Variants in RALGAPB observed in about 807,000 individuals in gnomAD.
RALGAPB encodes ral GTPase-activating protein subunit beta.
In RALGAPB, 25 loss-of-function variants were observed where a neutral mutation model predicts 161.1. The observed-to-expected ratio is 0.16, with a 90% CI of 0.11 to 0.22. The LOEUF (loss-of-function observed/expected upper bound fraction) is 0.22. Ranked by LOEUF, RALGAPB falls within the 10% of genes least tolerant of loss-of-function variation. The pLI is 1.00. For missense variants in RALGAPB, 1,391 were observed against 1,815.2 expected, an observed-to-expected ratio of 0.77 and a Z score of 4.25; for synonymous variants, 629 against 626.1, an observed-to-expected ratio of 1.00 and a Z score of -0.07.
At chr20:38,531,105 G>A in intron 13 of RALGAPB, 62 bp from the exon 14 acceptor site, 14 of 1,352,496 alleles carry the variant, frequency 1.0e-5, no homozygotes, top group East Asian at 2.3e-5. Flanking sequence ...CATATAAAAT[G>A]TCTTACGCAT....
At chr20:38,563,064 C>G (rs2087845313) in intron 24 of RALGAPB, among the ~76,000 whole-genome samples, 1 of 152,098 alleles carries the variant, frequency 6.6e-6, no homozygotes, top group South Asian at 2.1e-4. Context: ...CTCCCTGTCT[C>G]TAAAAACTAA....
At chr20:38,518,079 A>G in intron 9 of RALGAPB, 79 bp downstream of exon 9, 1 of 1,311,502 alleles carries the variant, frequency 7.6e-7, no homozygotes, top group Non-Finnish European at 1.1e-6. Flanking sequence ...CCTACCTGCA[A>G]GATTAATATG....
At chr20:38,544,014 C>T (rs533807462) in intron 18 of RALGAPB, among the ~76,000 whole-genome samples, 12 of 152,226 alleles carry the variant, frequency 7.9e-5, no homozygotes, top group African/African-American at 2.9e-4. Flanking sequence ...TGCAGATTAG[C>T]TGGTTAGGTT....
At chr20:38,567,316 CAG>C in intron 26 of RALGAPB, 84 bp downstream of exon 26, 4 of 1,522,688 alleles carry the variant, frequency 2.6e-6, no homozygotes, top group Non-Finnish European at 3.5e-6. Context: ...GCTTTTAACC[CAG>C]AGAGTATTTA....
At chr20:38,554,650 A>G (rs1005639819) in intron 22 of RALGAPB, among the ~76,000 whole-genome samples, 1 of 152,228 alleles carries the variant, frequency 6.6e-6, no homozygotes, top group African/African-American at 2.4e-5. Context: ...TGAGGATGAT[A>G]AAAGTATCCA....
intron 10 of RALGAPB, among the ~76,000 whole-genome samples, chr20:38,524,325 T>C (rs1227493318): frequency 6.6e-6 from 1 of 152,212 alleles, no homozygotes; most frequent in East Asian, 1.9e-4. Flanking sequence ...TAGGAATTAC[T>C]AAATGTTGCA....
Position 38,532,925 on chromosome 20 carries a change from CAA to C in RALGAPB, c.2245+70_2245+71del, listed in dbSNP as rs1015555756. ...GACTTTAATGCTTACATTTATAAAA[CAA>C]AAACATTAAAAATGTTAATGTTCAT... is the stretch of plus-strand genomic sequence containing the variant. On this transcript the variant is annotated intron_variant, in intron 15 of 29. Transcript: ENST00000262879. The C allele has an allele frequency of 1.7e-5, 25 of 1,485,374 alleles. No homozygotes were observed. The African/African-American group carries it at 3.3e-4, about 19-fold the overall frequency. The allele number at this position is 1,485,374 out of a possible 1,614,324, so 92.0% of individuals were successfully genotyped here. A position where few individuals can be genotyped will look rare whatever the true frequency, so the allele number is the denominator to read the frequency against.
At chr20:38,553,387 T>G (rs944088344) in intron 21 of RALGAPB, among the ~76,000 whole-genome samples, 14 of 152,240 alleles carry the variant, frequency 9.2e-5, no homozygotes, top group African/African-American at 2.4e-4. Context: ...AGATGGACAG[T>G]GATCTGCAAG....
At chr20:38,517,755 A>G (rs1341482942) in intron 8 of RALGAPB, 29 bp from the exon 9 acceptor site, 3 of 1,605,368 alleles carry the variant, frequency 1.9e-6, no homozygotes, top group East Asian at 2.2e-5. Context: ...TTTCATTGGT[A>G]TGGGTGTATT....
intron 18 of RALGAPB, among the ~76,000 whole-genome samples, chr20:38,542,811 G>A (rs185870136): frequency 8.8e-4 from 133 of 150,692 alleles, no homozygotes; most frequent in African/African-American, 3.0e-3. Context: ...GGACACGGAG[G>A]TTGCAGTGAG....
At chr20:38,512,707 G>C (rs1050635613) in intron 6 of RALGAPB, among the ~76,000 whole-genome samples, 1 of 152,158 alleles carries the variant, frequency 6.6e-6, no homozygotes, top group Admixed American at 6.5e-5. Context: ...GTTGATATTA[G>C]ATGTTCTTTT....
Position 38,562,571 on chromosome 20 carries a change from C to T in RALGAPB, c.3571C>T (p.His1191Tyr), listed in dbSNP as rs76591855. The change falls in exon 24 of 30, where the codon CAT becomes TAT. Residue 1191 changes from histidine (H) to tyrosine (Y), a missense_variant. By Grantham distance (83) the His-to-Tyr change is moderately conservative. Around this residue, in one of 3 missense-constraint regions of RALGAPB, gnomAD observed 436 missense variants for 527.0 expected, o/e 0.83. Coordinates refer to ENST00000262879, the MANE Select transcript of RALGAPB (RefSeq NM_020336.4). ...GGAGTCTTCCAGAACTGTTCAGCCA[C>T]ATTTCCTAGAATTTTTGCTTTCCCT... ...NVESSRTVQPHFLEFLLSLGW... is the reference protein window; with the variant it reads ...NVESSRTVQPYFLEFLLSLGW... 1.1e-3 allele frequency: 1,771 copies of T among 1,613,380 alleles called. 16 individuals carry two copies. The African/African-American group carries it at 0.021, about 19-fold the overall frequency.
chr20:38,478,694 G>A (rs934035381), intron 1 of RALGAPB, among the ~76,000 whole-genome samples: 7 of 152,026 alleles, frequency 4.6e-5, no homozygotes, highest in Non-Finnish European at 7.4e-5. Flanking sequence ...TCGGCTCACC[G>A]CAGCCTCCAC....
chr20:38,524,726 A>G, intron 10 of RALGAPB, 52 bp from the exon 11 acceptor site: 1 of 1,387,382 alleles, frequency 7.2e-7, no homozygotes, highest in Middle Eastern at 1.8e-4. Context: ...AATAATAATT[A>G]TGAAAACTTT....
chr20:38,530,884 C>T (rs899682944), intron 13 of RALGAPB, among the ~76,000 whole-genome samples: 1 of 126,382 alleles, frequency 7.9e-6, no homozygotes, highest in Non-Finnish European at 1.7e-5. Flanking sequence ...AACCACTGTG[C>T]CTGGCCATTT....
chr20:38,510,726 C>T (rs1380895041), intron 6 of RALGAPB, among the ~76,000 whole-genome samples: 5 of 123,384 alleles, frequency 4.1e-5, no homozygotes, highest in Non-Finnish European at 6.1e-5. Flanking sequence ...CCGGCTAAAA[C>T]GGTGAAACCC....
chr20:38,558,968 T>C (rs1302894154), intron 23 of RALGAPB, among the ~76,000 whole-genome samples: 2 of 152,246 alleles, frequency 1.3e-5, no homozygotes, highest in Non-Finnish European at 2.9e-5. Flanking sequence ...TTACATGGTA[T>C]GCACTTGTCT....
intron 19 of RALGAPB, chr20:38,546,873 A>G (rs8117073): frequency 0.039 from 6,129 of 158,544 alleles, 190 homozygotes; most frequent in African/African-American, 0.093. Flanking sequence ...TTAGTTTCTA[A>G]GTTTCCATCT....
chr20:38,475,184 A>C (rs750997720), intron 1 of RALGAPB, among the ~76,000 whole-genome samples: 1 of 152,220 alleles, frequency 6.6e-6, no homozygotes, highest in African/African-American at 2.4e-5. Flanking sequence ...TCATTGTCCA[A>C]AAAAGTGTTT....
Sources: allele counts gnomAD v4.1 joint callset (sites outside exome capture counted in the v4.1 genomes callset), GRCh38; gene constraint gnomAD v4.1.1; regional missense constraint gnomAD v4.1.1; transcripts MANE v1.5; gene names NCBI Gene and HGNC (gene_info 2026-07-23, HGNC 2026-07-21).